The following DPP4 variants were observed in gnomAD, a reference collection of about 807,000 sequenced individuals.
The protein encoded by DPP4 is ADCP-2.
DPP4 carries 93 observed loss-of-function variants against 122.4 expected under a neutral mutation model. The ratio of observed to expected loss-of-function variants is 0.76; its 90% CI spans 0.64 to 0.90. DPP4 has a LOEUF of 0.90. Among genes scored for constraint, DPP4 ranks in the 40% least tolerant of loss-of-function variants. The pLI, the probability that DPP4 is intolerant of heterozygous loss-of-function variation, is 0.00. For synonymous variants in DPP4, 321 were observed against 302.9 expected, an observed-to-expected ratio of 1.06 and a Z score of -0.62; for missense variants, 914 against 907.3, an observed-to-expected ratio of 1.01 and a Z score of -0.09.
In DPP4 at chr2:161,994,920, C is replaced by A. The variant is rs200452326; in HGVS notation, c.2199+41G>T. 52 of 1,576,730 alleles carry A rather than the reference C, an allele frequency of 3.3e-5. No individual in the cohort carries two copies. In the South Asian group the frequency reaches 5.1e-4, roughly 15 times the overall value. ...AGCCCAGAAAGAGGAAACTAGACCCCACCAGCAACTTCCCTCCCCTTGCAC... is the reference window on the plus strand; with the variant it reads ...AGCCCAGAAAGAGGAAACTAGACCCAACCAGCAACTTCCCTCCCCTTGCAC... On this transcript the variant is annotated intron_variant, in intron 25 of 25. Transcript: ENST00000360534.
Position 162,046,904 on chromosome 2 carries a change from A to G in DPP4, c.285+11T>C. 4 of 1,523,102 alleles carry G rather than the reference A, an allele frequency of 2.6e-6. No individual in the cohort carries two copies. Among genetic ancestry groups the G allele is most frequent in the Non-Finnish European group, 3.6e-6 (4 of 1,097,458 alleles). The allele number at this position is 1,523,102 out of a possible 1,614,324, so 94.3% of individuals were successfully genotyped here. ...ATTCTATGCATGAATTAATTACGTG[A>G]TTAAACATACAAATGTACTGTTCTC... On this transcript the variant is annotated intron_variant, in intron 4 of 25. Coordinates refer to ENST00000360534, the MANE Select transcript of DPP4 (RefSeq NM_001935.4).
In DPP4 at chr2:162,020,571, G is replaced by C. The variant is rs756340522; in HGVS notation, c.1176+10C>G. 1 of 1,565,608 alleles carries C rather than the reference G, an allele frequency of 6.4e-7. No homozygotes were observed. Among genetic ancestry groups the C allele is most frequent in the African/African-American group, 1.4e-5 (1 of 72,304 alleles). On this transcript the variant is annotated intron_variant, in intron 13 of 25. Transcript: ENST00000360534. ...GGTCAACATGAAATAAAATATGTAA[G>C]AATACTCACTTTTTTATCTATTTGG...
intron 10 of DPP4, among the ~76,000 whole-genome samples, chr2:162,028,058 A>G: frequency 8.2e-6 from 1 of 121,252 alleles, no homozygotes; most frequent in South Asian, 3.4e-4. Context: ...AGAATCATTT[A>G]AAAAAAAAAA....
At position 162,039,035 on chromosome 2, in the gene DPP4, G is replaced by C; in HGVS notation, c.420-14C>G. The C allele has an allele frequency of 6.2e-7, 1 of 1,613,230 alleles. No individual in the cohort carries two copies. Among genetic ancestry groups the C allele is most frequent in the South Asian group, 1.1e-5 (1 of 91,052 alleles). Reference sequence around the variant, plus strand: ...GTAATCAGCTGCCTGGAAAAAAGATGAAAGGAAATATTATCAAAAAGAATA... The same window carrying C: ...GTAATCAGCTGCCTGGAAAAAAGATCAAAGGAAATATTATCAAAAAGAATA... On this transcript the variant is annotated splice_polypyrimidine_tract_variant and intron_variant, in intron 6 of 25. Coordinates refer to ENST00000360534, the MANE Select transcript of DPP4 (RefSeq NM_001935.4).
intron 2 of DPP4, among the ~76,000 whole-genome samples, chr2:162,054,447 C>T (rs866377453): frequency 1.3e-5 from 2 of 152,120 alleles, no homozygotes; most frequent in Non-Finnish European, 1.5e-5. Context: ...ATTTTGCGTA[C>T]GAAAAGCACA....
chr2:162,047,050 A>T, intron 3 of DPP4, 44 bp from the exon 4 acceptor site: 1 of 1,057,482 alleles, frequency 9.5e-7, no homozygotes, highest in Non-Finnish European at 1.4e-6. Flanking sequence ...AGTTGTTATT[A>T]AACATCTTCA....
In DPP4 at chr2:162,038,438, A is replaced by AT. The variant is rs1353235051; in HGVS notation, c.493-17_493-16insA. On this transcript the variant is annotated splice_polypyrimidine_tract_variant and intron_variant, in intron 7 of 25. Coordinates refer to ENST00000360534, the MANE Select transcript of DPP4 (RefSeq NM_001935.4). ...AAACATATGCCTAGAAGGAAAAAAA[A>AT]CAAGCATTGATATCTATAATACATG... is the stretch of plus-strand genomic sequence containing the variant. 6.3e-7 allele frequency: 1 copy of AT among 1,591,772 alleles called. No individual in the cohort carries two copies. The highest frequency in any genetic ancestry group is 1.4e-5 in the African/African-American group (1 of 73,478).
intron 16 of DPP4, 68 bp from the exon 17 acceptor site, chr2:162,017,223 T>C: frequency 1.5e-6 from 2 of 1,357,466 alleles, no homozygotes; most frequent in South Asian, 1.3e-5. Flanking sequence ...ATAGATGACT[T>C]TTCAAAAATA....
intron 5 of DPP4, among the ~76,000 whole-genome samples, chr2:162,045,159 G>C (rs1004444371): frequency 6.6e-6 from 1 of 151,784 alleles, no homozygotes; most frequent in African/African-American, 2.4e-5. Context: ...ATCTATGGAG[G>C]CTCTTACTAT....
chr2:161,998,602 ATAGT>A (rs1467692041), intron 23 of DPP4, among the ~76,000 whole-genome samples: 2 of 152,210 alleles, frequency 1.3e-5, no homozygotes, highest in African/African-American at 2.4e-5. Context: ...ACATAGAGTA[ATAGT>A]TAGGAGACAT....
chr2:162,049,631 T>C (rs1684315230), intron 2 of DPP4, among the ~76,000 whole-genome samples: 2 of 152,236 alleles, frequency 1.3e-5, no homozygotes, highest in South Asian at 4.1e-4. Context: ...ACATGTACCC[T>C]GGAACTTAAA....
intron 10 of DPP4, among the ~76,000 whole-genome samples, chr2:162,026,320 G>A (rs553077910): frequency 2.0e-5 from 3 of 152,304 alleles, no homozygotes; most frequent in East Asian, 1.9e-4. Flanking sequence ...GCTGTAAGGC[G>A]CAGGTACTGA....
At chr2:162,045,673 A>G in intron 4 of DPP4, 61 bp from the exon 5 acceptor site, 2 of 1,233,290 alleles carry the variant, frequency 1.6e-6, no homozygotes, top group South Asian at 1.2e-5. Context: ...ATCACTGTGC[A>G]CTTACTTCAT....
In DPP4 at chr2:162,016,770, G is replaced by T. The variant is rs1682941515; in HGVS notation, c.1565C>A (p.Thr522Lys). 6.2e-7 allele frequency: 1 copy of T among 1,609,232 alleles called. No individual in the cohort carries two copies. Among genetic ancestry groups the T allele is most frequent in the Non-Finnish European group, 8.5e-7 (1 of 1,177,602 alleles). Residue 522 changes from threonine to lysine, a missense_variant and splice_region_variant, in exon 18 of 26, where the codon ACA (threonine) becomes AAA (lysine). Thr to Lys is a moderately conservative substitution (Grantham distance 78, BLOSUM62 -1). Coordinates refer to ENST00000360534, the MANE Select transcript of DPP4 (RefSeq NM_001935.4). Reference sequence around the variant, plus strand: ...TATTCCAAAGGAATTTAACTTACTTGTTTCATTCAAAATAATGAAGTCCAG... The same window carrying T: ...TATTCCAAAGGAATTTAACTTACTTTTTTCATTCAAAATAATGAAGTCCAG... ...KKLDFIILNE[T>K]KFWYQMILPP... is the part of the protein sequence containing the mutation.
chr2:162,021,516 G>A (rs1683127159), intron 12 of DPP4: 1 of 152,176 alleles, frequency 6.6e-6, no homozygotes, highest in Non-Finnish European at 1.5e-5. Context: ...CGCCCTCGAT[G>A]TTTCCTCTCT....
rs1266755164 is a variant in DPP4, at chr2:161,992,472, A to G, written c.*811T>C. 6.5e-6 allele frequency: 1 copy of G among 152,678 alleles called. No homozygotes were observed. The highest frequency in any genetic ancestry group is 1.5e-5 in the Non-Finnish European group (1 of 68,044). The allele number at this position is 152,678 out of a possible 1,614,324, so 9.5% of individuals were successfully genotyped here. A position where few individuals can be genotyped will look rare whatever the true frequency, so the allele number is the denominator to read the frequency against. Reference sequence around the variant, plus strand: ...GTGATACAAATATTTTCATCTTTTAACAGGGCAAGCTGATGTGTTCACATC... The same window carrying G: ...GTGATACAAATATTTTCATCTTTTAGCAGGGCAAGCTGATGTGTTCACATC... On this transcript the variant is annotated 3_prime_UTR_variant, in exon 26 of 26. Transcript: ENST00000360534.
At chr2:162,048,657 C>T (rs1172841991) in intron 2 of DPP4, among the ~76,000 whole-genome samples, 1 of 152,170 alleles carries the variant, frequency 6.6e-6, no homozygotes, top group Non-Finnish European at 1.5e-5. Flanking sequence ...GTCTTCCCTG[C>T]TTTCCTGGTT....
intron 2 of DPP4, among the ~76,000 whole-genome samples, chr2:162,062,917 G>C (rs966587316): frequency 1.3e-5 from 2 of 151,922 alleles, no homozygotes; most frequent in African/African-American, 4.8e-5. Flanking sequence ...GTTCTTGGGG[G>C]TCACCTTAGC....
intron 2 of DPP4, among the ~76,000 whole-genome samples, chr2:162,057,846 C>T (rs1406545208): frequency 6.6e-6 from 1 of 152,168 alleles, no homozygotes; most frequent in Non-Finnish European, 1.5e-5. Context: ...AATCTTGGCT[C>T]ACTGCAACCA....
Sources: allele counts gnomAD v4.1 joint callset (sites outside exome capture counted in the v4.1 genomes callset), GRCh38; gene constraint gnomAD v4.1.1; transcripts MANE v1.5; gene names NCBI Gene and HGNC (gene_info 2026-07-23, HGNC 2026-07-21).